The following CDH2 variants were observed in gnomAD, a reference collection of about 807,000 sequenced individuals.
CDH2 encodes the protein cadherin-2.
A neutral mutation model predicts 92.0 loss-of-function variants in CDH2; 17 were observed. The observed-to-expected ratio is 0.18, with a 90% CI of 0.13 to 0.28. The LOEUF is 0.28. Ranked by LOEUF, CDH2 falls within the 10% of genes least tolerant of loss-of-function variation. The probability of loss-of-function intolerance (pLI) is 1.00; values close to 1 mark genes in which losing one functional copy is unlikely to be tolerated. For synonymous variants in CDH2, 419 were observed against 415.9 expected (o/e 1.01, Z -0.09); for missense variants, 862 against 1,133.1 (o/e 0.76, Z 3.44).
At chr18:28,065,040 G>A (rs964724496) in intron 2 of CDH2, among the ~76,000 whole-genome samples, 3 of 152,176 alleles carry the variant, frequency 2.0e-5, no homozygotes, top group South Asian at 4.2e-4. Context: ...TCATGCCCAA[G>A]GAAGTCACAA....
chr18:28,095,305 G>A (rs2015112344), intron 2 of CDH2, among the ~76,000 whole-genome samples: 1 of 152,192 alleles, frequency 6.6e-6, no homozygotes, highest in Non-Finnish European at 1.5e-5. Context: ...AAAGGGTCGG[G>A]TGCAATGGCT....
downstream of CDH2, among the ~76,000 whole-genome samples, chr18:27,948,239 T>G (rs776997601): frequency 3.1e-4 from 44 of 143,914 alleles, no homozygotes; most frequent in Non-Finnish European, 6.5e-4. Context: ...ATAAGTGATA[T>G]AAGTGTATGT....
At chr18:28,013,076 A>G (rs777916742) in intron 3 of CDH2, among the ~76,000 whole-genome samples, 4 of 152,232 alleles carry the variant, frequency 2.6e-5, no homozygotes, top group Non-Finnish European at 5.9e-5. Flanking sequence ...AAAATTCCGA[A>G]CAATGACTTA....
chr18:28,108,413 A>C (rs1368944451), intron 2 of CDH2, among the ~76,000 whole-genome samples: 1 of 152,198 alleles, frequency 6.6e-6, no homozygotes, highest in Non-Finnish European at 1.5e-5. Flanking sequence ...CAAATACTCA[A>C]GGAAAAGATC....
At chr18:27,972,885 T>G (rs951597048) in intron 14 of CDH2, among the ~76,000 whole-genome samples, 4 of 152,166 alleles carry the variant, frequency 2.6e-5, no homozygotes, top group African/African-American at 9.7e-5. Context: ...GCAGAGAAAC[T>G]TGATTTAGCC....
intron 2 of CDH2, among the ~76,000 whole-genome samples, chr18:28,016,177 TATA>T (rs901892285): frequency 4.6e-5 from 7 of 152,216 alleles, no homozygotes; most frequent in Non-Finnish European, 7.3e-5. Flanking sequence ...ACTTTATGTT[TATA>T]ATAATAATAG....
rs2143850829 is a variant in CDH2 at position 27,951,630 on chromosome 18, A to G, written c.*523T>C. ...AGTTTTAAGATTTTAGTGAAAAAAA[A>G]AAAAACAAACTAAAGTCTAAAACTA... is the stretch of plus-strand genomic sequence containing the variant. On this transcript the variant is annotated 3_prime_UTR_variant, in exon 16 of 16. Coordinates refer to ENST00000269141, the MANE Select transcript of CDH2 (RefSeq NM_001792.5). The G allele has an allele frequency of 6.6e-6, 1 of 152,360 alleles. No homozygotes were observed. Among genetic ancestry groups the G allele is most frequent in the East Asian group, 1.9e-4 (1 of 5,166 alleles). 9.4% of individuals were successfully genotyped at this position (152,360 alleles called of 1,614,324 possible). A position where few individuals can be genotyped will look rare whatever the true frequency, so the allele number is the denominator to read the frequency against.
chr18:27,961,283 G>A (rs17462717), intron 15 of CDH2, among the ~76,000 whole-genome samples: 1 of 151,342 alleles, frequency 6.6e-6, no homozygotes, highest in East Asian at 1.9e-4. Context: ...AGATGTTTAA[G>A]TTATAAAAAC....
chr18:28,080,915 G>A (rs925960811), intron 2 of CDH2, among the ~76,000 whole-genome samples: 1 of 152,148 alleles, frequency 6.6e-6, no homozygotes, highest in African/African-American at 2.4e-5. Flanking sequence ...ATTAACTACT[G>A]GAAAGCATAG....
chr18:28,029,933 A>G (rs1450790226), intron 2 of CDH2, among the ~76,000 whole-genome samples: 1 of 152,160 alleles, frequency 6.6e-6, no homozygotes, highest in African/African-American at 2.4e-5. Flanking sequence ...AACATGTATT[A>G]AAGGATTTCC....
chr18:28,050,617 A>AT (rs565478309), intron 2 of CDH2, among the ~76,000 whole-genome samples: 4 of 152,244 alleles, frequency 2.6e-5, no homozygotes, highest in Non-Finnish European at 5.9e-5. Flanking sequence ...TCAGAGTAAG[A>AT]TTTTTTTCTA....
chr18:27,963,393 G>A lies in CDH2; in HGVS notation c.2478C>T (p.Ala826=), dbSNP rs891271607. The stretch of plus-strand genomic sequence containing the variant: ...AGTCCCCAATGTCTCCAGGGTGTGG[G>A]GCTGCAGATCGGACCGGATACTGGG... The part of the protein sequence containing the change: ...AEPQYPVRSA[A]PHPGDIGDFI... The change falls in exon 15 of 16, where the codon GCC becomes GCT. Residue 826 remains alanine, a synonymous_variant. Transcript: ENST00000269141. The A allele has an allele frequency of 1.9e-6, 3 of 1,613,922 alleles. No individual in the cohort carries two copies. The highest frequency in any genetic ancestry group is 1.6e-4 in the Middle Eastern group (1 of 6,076).
intron 2 of CDH2, among the ~76,000 whole-genome samples, chr18:28,127,378 T>A (rs185742370): frequency 6.6e-6 from 1 of 152,292 alleles, no homozygotes; most frequent in Admixed American, 6.5e-5. Context: ...ATAGCAAATT[T>A]TCCAATTCTG....
intron 2 of CDH2, among the ~76,000 whole-genome samples, chr18:28,015,879 T>G (rs2013230656): frequency 6.6e-6 from 1 of 152,196 alleles, no homozygotes; most frequent in Non-Finnish European, 1.5e-5. Flanking sequence ...CTCTTAATTC[T>G]TGGGTCACCT....
rs2015252267 is a variant in CDH2, at chr18:28,103,037, C to T, written c.172+44636G>A. Among the ~76,000 whole-genome samples the T allele has an allele frequency of 5.9e-5, 9 of 151,302 alleles. No homozygotes were observed. In the South Asian group the frequency reaches 1.9e-3, roughly 31 times the overall value. On this transcript the variant is annotated intron_variant, in intron 2 of 15. Coordinates refer to ENST00000269141, the MANE Select transcript of CDH2 (RefSeq NM_001792.5). The stretch of plus-strand genomic sequence containing the variant: ...AAAAATACTCTGTTTTCACTAGTTA[C>T]TTAACACTAGGTACTCAGAGTAGGC...
chr18:28,133,313 A>C (rs183244560), intron 2 of CDH2, among the ~76,000 whole-genome samples: 145 of 152,188 alleles, frequency 9.5e-4, no homozygotes, highest in African/African-American at 3.1e-3. Context: ...GCCGGGCGTG[A>C]TGGCTCATGC....
chr18:28,009,760 G>C lies in CDH2; in HGVS notation c.659C>G (p.Ser220Trp). The change falls in exon 5 of 16, where the codon TCG becomes TGG. Residue 220 changes from serine (S) to tryptophan (W), a missense_variant. Ser to Trp is a radical substitution (Grantham distance 177). Transcript: ENST00000269141. ...FIINPISGQL[S>W]VTKPLDREQI... The stretch of plus-strand genomic sequence containing the variant: ...CTCGCGATCCAGGGGCTTTGTCACC[G>C]ACAGCTGACCCGAGATGGGGTTGAT... 1 of 1,613,962 alleles carries C rather than the reference G, an allele frequency of 6.2e-7. No homozygotes were observed. The highest frequency in any genetic ancestry group is 8.5e-7 in the Non-Finnish European group (1 of 1,179,956).
At chr18:27,980,794 CAA>C (rs777659826) in intron 14 of CDH2, among the ~76,000 whole-genome samples, 376 of 75,014 alleles carry the variant, frequency 5.0e-3, no homozygotes, top group African/African-American at 9.9e-3. Flanking sequence ...TGGCTGGGGT[CAA>C]AAAAAAAAAA....
At chr18:28,085,454 C>A (rs1396495460) in intron 2 of CDH2, among the ~76,000 whole-genome samples, 3 of 152,056 alleles carry the variant, frequency 2.0e-5, no homozygotes, top group African/African-American at 7.2e-5. Flanking sequence ...TCATTTCCAT[C>A]CTGCCCCTCA....
Sources: gnomAD v4.1 joint callset for allele counts (sites outside exome capture counted in the v4.1 genomes callset) on GRCh38, gnomAD v4.1.1 for gene constraint, MANE v1.5 for transcripts, NCBI Gene and HGNC (gene_info 2026-07-23, HGNC 2026-07-21) for gene names.